Variants in CNTNAP3B observed in about 807,000 individuals in gnomAD.
The protein encoded by CNTNAP3B is contactin associated protein family member 3B.
Under a neutral mutation model 108.9 loss-of-function variants are expected in CNTNAP3B, and 25 were observed. The observed-to-expected ratio is 0.23, with a 90% confidence interval of 0.17 to 0.32. The LOEUF (loss-of-function observed/expected upper bound fraction) is 0.32. Ranked by LOEUF, CNTNAP3B falls within the 10% of genes least tolerant of loss-of-function variation. The pLI is 1.00. For missense variants in CNTNAP3B, 252 were observed against 1,210.4 expected (o/e 0.21, Z 11.75); for synonymous variants, 103 against 473.4 (o/e 0.22, Z 10.16).
chr9:42,056,403 T>C (rs1827071338), intron 3 of CNTNAP3B, among the ~76,000 whole-genome samples: 2 of 139,214 alleles, frequency 1.4e-5, no homozygotes, highest in South Asian at 4.7e-4. Context: ...CAGGCTGGAG[T>C]GCAGTGGCGC....
At position 41,922,073 on chromosome 9, in the gene CNTNAP3B, C is replaced by T. The variant is rs956016036; in HGVS notation, c.2755+604G>A. Among the ~76,000 whole-genome samples the T allele has an allele frequency of 3.2e-4, 45 of 142,788 alleles. 1 individual carries two copies. Among genetic ancestry groups the T allele is most frequent in the Admixed American group, 6.2e-4 (9 of 14,430 alleles). 93.7% of individuals were successfully genotyped at this position (142,788 alleles called of 152,430 possible). A position where few individuals can be genotyped will look rare whatever the true frequency, so the allele number is the denominator to read the frequency against. On this transcript the variant is annotated intron_variant, in intron 17 of 23. Transcript: ENST00000377561. ...TGAATGGTTCAAGTTTGGGGGTCGGCTATCCTGGGATCTCTCTCATTAGCT... is the reference window on the plus strand; with the variant it reads ...TGAATGGTTCAAGTTTGGGGGTCGGTTATCCTGGGATCTCTCTCATTAGCT...
chr9:41,968,180 T>C (rs1028220384), intron 10 of CNTNAP3B, among the ~76,000 whole-genome samples: 1 of 151,580 alleles, frequency 6.6e-6, no homozygotes, highest in Non-Finnish European at 1.5e-5. Context: ...AAATGGATCA[T>C]ATTTTGTGAG....
intron 1 of CNTNAP3B, among the ~76,000 whole-genome samples, chr9:42,125,942 C>T (rs1828561047): frequency 1.5e-5 from 2 of 132,502 alleles, no homozygotes; most frequent in African/African-American, 6.1e-5. Flanking sequence ...TATAGAGTAC[C>T]ATTTGACACT....
At chr9:41,968,317 G>A (rs1421929563) in intron 10 of CNTNAP3B, among the ~76,000 whole-genome samples, 1 of 142,092 alleles carries the variant, frequency 7.0e-6, no homozygotes, top group Non-Finnish European at 1.5e-5. Context: ...CTCAGAGAGA[G>A]ATGAGCTCCC....
rs754739935 is a variant in CNTNAP3B, at chr9:41,997,581, T to A, written c.914A>T (p.Asp305Val). 1 of 1,611,174 alleles carries A rather than the reference T, an allele frequency of 6.2e-7. No homozygotes were observed. The highest frequency in any genetic ancestry group is 1.1e-5 in the South Asian group (1 of 90,874). ...FQAKGDSSNL[D>V]LNFEISFGGI... ...ATCTATAATAACCTCAAAATTAAGATCCAAGTTACTGGAATCTCCCTTTGC... is the reference window on the plus strand; with the variant it reads ...ATCTATAATAACCTCAAAATTAAGAACCAAGTTACTGGAATCTCCCTTTGC... The change falls in exon 6 of 24, where the codon GAT (aspartate) becomes GTT (valine). Residue 305 changes from aspartate (D) to valine (V), a missense_variant. Transcript: ENST00000377561.
intron 3 of CNTNAP3B, among the ~76,000 whole-genome samples, chr9:42,061,324 T>C (rs142194737): frequency 5.4e-3 from 462 of 84,818 alleles, no homozygotes; most frequent in East Asian, 0.013. Context: ...TTTCTTTTTT[T>C]TTTTTTTTTT....
chr9:41,956,249 G>A (rs775260030), intron 12 of CNTNAP3B, among the ~76,000 whole-genome samples: 3 of 151,814 alleles, frequency 2.0e-5, no homozygotes, highest in Non-Finnish European at 2.9e-5. Context: ...AGCCGGGCGT[G>A]GTGGCACATG....
chr9:41,918,854 T>A (rs1463935099), intron 18 of CNTNAP3B, among the ~76,000 whole-genome samples: 1 of 144,928 alleles, frequency 6.9e-6, no homozygotes, highest in African/African-American at 2.6e-5. Context: ...AGCACAGAGA[T>A]CTTCAGGACT....
intron 2 of CNTNAP3B, among the ~76,000 whole-genome samples, chr9:42,079,698 T>C (rs1827571397): frequency 7.3e-6 from 1 of 137,308 alleles, no homozygotes. Flanking sequence ...ATTTTTGTAT[T>C]TTTAGTAGAG....
chr9:41,934,114 T>TATATATAC (rs1824071247), intron 14 of CNTNAP3B, among the ~76,000 whole-genome samples: 3 of 129,480 alleles, frequency 2.3e-5, no homozygotes, highest in African/African-American at 8.8e-5. Flanking sequence ...TATATATATA[T>TATATATAC]ATATATATAC....
chr9:41,917,470 C>T (rs1037404432), intron 18 of CNTNAP3B, among the ~76,000 whole-genome samples: 1 of 141,962 alleles, frequency 7.0e-6, no homozygotes, highest in Non-Finnish European at 1.5e-5. Flanking sequence ...CATGGCCTCC[C>T]TCTACCTCTT....
intron 14 of CNTNAP3B, among the ~76,000 whole-genome samples, chr9:41,932,765 G>A (rs1477920187): frequency 2.6e-4 from 39 of 152,080 alleles, no homozygotes; most frequent in Admixed American, 6.5e-4. Context: ...TGATCTGCCC[G>A]CCTTGGCCTC....
intron 18 of CNTNAP3B, among the ~76,000 whole-genome samples, chr9:41,912,282 G>T: frequency 1.7e-4 from 1 of 5,746 alleles, no homozygotes; most frequent in Non-Finnish European, 3.6e-4. Flanking sequence ...TTTTATTCTT[G>T]GTCAGTTGTA....
In CNTNAP3B at chr9:42,060,712, TG is replaced by T. The variant is rs775962636; in HGVS notation, c.390+16156del. ...TCAATTTTATTGCTCATTATTGGTT[TG>T]CTCAGATTTTCTTTTTTTATGGTTC... On this transcript the variant is annotated intron_variant, in intron 3 of 23. Coordinates refer to ENST00000377561, the MANE Select transcript of CNTNAP3B (RefSeq NM_001201380.3). 4.9e-4 allele frequency among the ~76,000 whole-genome samples: 66 copies of T among 133,860 alleles called. 8 individuals are homozygous for T. The highest frequency in any genetic ancestry group is 8.3e-4 in the Admixed American group (11 of 13,258). The allele number at this position is 133,860 out of a possible 152,430, so 87.8% of individuals were successfully genotyped here.
At chr9:42,042,812 G>A (rs1372673383) in intron 3 of CNTNAP3B, among the ~76,000 whole-genome samples, 1 of 131,672 alleles carries the variant, frequency 7.6e-6, no homozygotes, top group Non-Finnish European at 1.6e-5. Context: ...CTTTTTACCT[G>A]CACATGGAGG....
intron 12 of CNTNAP3B, among the ~76,000 whole-genome samples, chr9:41,954,634 A>G (rs1285890692): frequency 6.6e-6 from 1 of 152,280 alleles, no homozygotes; most frequent in African/African-American, 2.4e-5. Context: ...TTTCAATTCC[A>G]TGGGTTCTTC....
chr9:41,967,303 G>C (rs1259458274), intron 10 of CNTNAP3B, among the ~76,000 whole-genome samples: 3 of 152,268 alleles, frequency 2.0e-5, no homozygotes, highest in Admixed American at 6.5e-5. Flanking sequence ...TCTCATGATA[G>C]TGAATAAGTC....
Position 42,012,914 on chromosome 9 carries a change from C to T in CNTNAP3B, c.538+464G>A, listed in dbSNP as rs1280331496. Among the ~76,000 whole-genome samples the T allele has an allele frequency of 3.9e-4, 38 of 96,290 alleles. 14 individuals are homozygous for T. Among genetic ancestry groups the T allele is most frequent in the Non-Finnish European group, 5.9e-4 (27 of 45,686 alleles). The allele number at this position is 96,290 out of a possible 152,430, so 63.2% of individuals were successfully genotyped here. On this transcript the variant is annotated intron_variant, in intron 4 of 23. Coordinates refer to ENST00000377561, the MANE Select transcript of CNTNAP3B (RefSeq NM_001201380.3). ...CCCACCAAGTGAAGATCAAGTGAAG[C>T]GACAGCATGGTGTGCAAAAGAGGAC...
rs1322852476 is a variant in CNTNAP3B, at chr9:41,973,621, A to G, written c.1478-3376T>C. On this transcript the variant is annotated intron_variant, in intron 9 of 23. Coordinates refer to ENST00000377561, the MANE Select transcript of CNTNAP3B (RefSeq NM_001201380.3). ...GGAAGGAGGCATGGCATTGAATAGCAGAAAGATTCCATAAAGGTAAGTTTA... is the reference window on the plus strand; with the variant it reads ...GGAAGGAGGCATGGCATTGAATAGCGGAAAGATTCCATAAAGGTAAGTTTA... 7.6e-5 allele frequency among the ~76,000 whole-genome samples: 10 copies of G among 132,094 alleles called. 3 individuals carry two copies. Among genetic ancestry groups the G allele is most frequent in the Middle Eastern group, 3.3e-3 (1 of 304 alleles). The allele number at this position is 132,094 out of a possible 152,430, so 86.7% of individuals were successfully genotyped here.
Sources: gnomAD v4.1 joint callset for allele counts (sites outside exome capture counted in the v4.1 genomes callset) on GRCh38, gnomAD v4.1.1 for gene constraint, MANE v1.5 for transcripts, NCBI Gene and HGNC (gene_info 2026-07-23, HGNC 2026-07-21) for gene names.